The following SETD1B variants were observed in gnomAD, a reference collection of about 807,000 sequenced individuals.
SETD1B encodes the protein histone-lysine N-methyltransferase SETD1B.
Under a neutral mutation model 148.0 loss-of-function variants are expected in SETD1B, and 7 were observed. The observed-to-expected ratio is 0.05, with a 90% CI of 0.03 to 0.09. The LOEUF is 0.09. Ranked by LOEUF, SETD1B falls within the 10% of genes least tolerant of loss-of-function variation. The pLI, the probability that SETD1B is intolerant of heterozygous loss-of-function variation, is 1.00. For synonymous variants in SETD1B, 1,361 were observed against 1,186.5 expected, an observed-to-expected ratio of 1.15 and a Z score of -3.02; for missense variants, 2,155 against 2,729.9, an observed-to-expected ratio of 0.79 and a Z score of 4.69.
rs901595909 is a variant in SETD1B, at chr12:121,805,077, G to A, written c.175-41G>A. On this transcript the variant is annotated intron_variant, in intron 2 of 16. Transcript: ENST00000604567. This position sits in a 1 kb window ranked among gnomAD's most constrained non-coding sequence, Gnocchi z 4.2. ...AAAGGGGTCTGCCCATGGGGAGGGG[G>A]ACCAGTTCTCTCATCCCGGCCCCCC... 56 of 1,535,126 alleles carry A rather than the reference G, an allele frequency of 3.6e-5. No individual in the cohort carries two copies. The highest frequency in any genetic ancestry group is 4.7e-5 in the Non-Finnish European group (53 of 1,132,404).
At chr12:121,821,272 C>T (rs1243460697) in intron 11 of SETD1B, among the ~76,000 whole-genome samples, 2 of 152,000 alleles carry the variant, frequency 1.3e-5, no homozygotes, top group African/African-American at 4.8e-5. Context: ...GAACAGATGA[C>T]AACAGATCAA....
At chr12:121,797,573 T>C in the SETD1B span, 2 of 456,360 alleles carry the variant, frequency 4.4e-6, no homozygotes, top group Non-Finnish European at 8.8e-6. Flanking sequence ...AGACCACAGC[T>C]GAGCACCCAA....
rs1875850943 is a variant in SETD1B, at chr12:121,808,389, C to G, written c.657+69C>G. On this transcript the variant is annotated intron_variant, in intron 5 of 16. Coordinates refer to ENST00000604567, the MANE Select transcript of SETD1B (RefSeq NM_001353345.2). This position sits in a 1 kb window ranked among gnomAD's most constrained non-coding sequence, Gnocchi z 5.3. ...TGTGCCCCCCACCTCTGGAAAGCCTCACCAACTCTCTTATGGGACCCCCAG... is the reference window on the plus strand; with the variant it reads ...TGTGCCCCCCACCTCTGGAAAGCCTGACCAACTCTCTTATGGGACCCCCAG... 9.5e-6 allele frequency: 10 copies of G among 1,052,872 alleles called. No individual in the cohort carries two copies. The highest frequency in any genetic ancestry group is 1.4e-5 in the Non-Finnish European group (10 of 709,332). The allele number at this position is 1,052,872 out of a possible 1,614,324, so 65.2% of individuals were successfully genotyped here.
chr12:121,831,146 G>T lies in SETD1B; in HGVS notation c.*907G>T, dbSNP rs915301563. On this transcript the variant is annotated 3_prime_UTR_variant, in exon 17 of 17. Transcript: ENST00000604567. Reference sequence around the variant, plus strand: ...TTCTGCCCTTGCCTTCGCCCTGGGTGGGACAGGGCTCCCAAGGGCAGGCGG... The same window carrying T: ...TTCTGCCCTTGCCTTCGCCCTGGGTTGGACAGGGCTCCCAAGGGCAGGCGG... The T allele has an allele frequency of 3.3e-5, 5 of 152,190 alleles. No individual in the cohort carries two copies. The highest frequency in any genetic ancestry group is 7.4e-5 in the Non-Finnish European group (5 of 68,018). 9.4% of individuals were successfully genotyped at this position (152,190 alleles called of 1,614,324 possible). A position where few individuals can be genotyped will look rare whatever the true frequency, so the allele number is the denominator to read the frequency against.
chr12:121,801,860 A>T (rs1875382872), upstream of SETD1B: 1 of 152,214 alleles, frequency 6.6e-6, no homozygotes, highest in Admixed American at 6.5e-5. Flanking sequence ...GCGAAAATAC[A>T]GTCAAATCAA....
chr12:121,812,213 C>T (rs1876067792), intron 6 of SETD1B, among the ~76,000 whole-genome samples: 1 of 152,110 alleles, frequency 6.6e-6, no homozygotes, highest in Non-Finnish European at 1.5e-5. Flanking sequence ...GGGAGCTGGA[C>T]CCCGTCCCAT....
At chr12:121,821,072 C>CT (rs112829618) in intron 11 of SETD1B, among the ~76,000 whole-genome samples, 1,572 of 152,292 alleles carry the variant, frequency 0.01, 23 homozygotes, top group African/African-American at 0.036. Flanking sequence ...AACCAATTCT[C>CT]TGTGTGTATT....
chr12:121,823,005 C>A lies in SETD1B; in HGVS notation c.4426C>A (p.Leu1476Met). The A allele has an allele frequency of 6.6e-7, 1 of 1,525,834 alleles. No homozygotes were observed. Among genetic ancestry groups the A allele is most frequent in the Non-Finnish European group, 8.8e-7 (1 of 1,138,126 alleles). The allele number at this position is 1,525,834 out of a possible 1,614,324, so 94.5% of individuals were successfully genotyped here. Residue 1476 changes from leucine to methionine, a missense_variant, in exon 12 of 17, where the codon CTG becomes ATG. Around this residue, in one of 11 missense-constraint regions of SETD1B, gnomAD observed 862 missense variants for 873.8 expected, o/e 0.99. Transcript: ENST00000604567. ...VLLETGLPLP[L>M]PLPLPLPLAL... Reference sequence around the variant, plus strand: ...CCTGGAGACGGGCCTGCCCCTCCCTCTGCCCCTTCCCCTGCCCTTGCCCTT... The same window carrying A: ...CCTGGAGACGGGCCTGCCCCTCCCTATGCCCCTTCCCCTGCCCTTGCCCTT...
At position 121,822,765 on chromosome 12, in the gene SETD1B, C is replaced by T. The variant is rs1056927944; in HGVS notation, c.4186C>T (p.Leu1396=). 6.6e-6 allele frequency: 10 copies of T among 1,517,096 alleles called. No individual in the cohort carries two copies. The highest frequency in any genetic ancestry group is 2.1e-5 in the Admixed American group (1 of 48,740). 94.0% of individuals were successfully genotyped at this position (1,517,096 alleles called of 1,614,324 possible). Residue 1396 remains leucine, a synonymous_variant, in exon 12 of 17, where the codon CTG becomes TTG. Coordinates refer to ENST00000604567, the MANE Select transcript of SETD1B (RefSeq NM_001353345.2). The part of the protein sequence containing the change: ...EPPLSGGSSG[L]SLSSPQVPGS... ...CCCGCTATCAGGGGGCAGCAGTGGCCTGTCCCTGAGCTCTCCGCAAGTGCC... is the reference window on the plus strand; with the variant it reads ...CCCGCTATCAGGGGGCAGCAGTGGCTTGTCCCTGAGCTCTCCGCAAGTGCC...
In SETD1B at chr12:121,831,861, TTTG is replaced by T. The variant is rs1367146756; in HGVS notation, c.*1629_*1631del. ...ACAAAGAATTGTTATTTTTCTCTTT[TTTG>T]TTGTTGGTGGTTTTGTTGTGTGTTT... On this transcript the variant is annotated 3_prime_UTR_variant, in exon 17 of 17. Transcript: ENST00000604567. The T allele has an allele frequency of 6.6e-6, 1 of 151,716 alleles. No homozygotes were observed. Among genetic ancestry groups the T allele is most frequent in the African/African-American group, 2.4e-5 (1 of 41,378 alleles). 9.4% of individuals were successfully genotyped at this position (151,716 alleles called of 1,614,324 possible).
At chr12:121,793,458 G>C in the SETD1B span, 1 of 1,536,428 alleles carries the variant, frequency 6.5e-7, no homozygotes, top group South Asian at 1.2e-5. Flanking sequence ...GGTAAGGGGC[G>C]TCCCTCGCCC....
intron 13 of SETD1B, 99 bp from the exon 14 acceptor site, chr12:121,827,420 G>T: frequency 7.2e-7 from 1 of 1,395,240 alleles, no homozygotes. Context: ...CCCAGAGCAA[G>T]GAGCCCAGGA....
At chr12:121,813,803 G>A (rs539867318) in intron 6 of SETD1B, among the ~76,000 whole-genome samples, 9 of 152,146 alleles carry the variant, frequency 5.9e-5, no homozygotes, top group Non-Finnish European at 8.8e-5. Flanking sequence ...CTCCACAAGA[G>A]TAAGATGTTT....
In SETD1B at chr12:121,823,366, C is replaced by T. The variant is rs766751443; in HGVS notation, c.4787C>T (p.Pro1596Leu). The T allele has an allele frequency of 2.0e-6, 3 of 1,528,388 alleles. No homozygotes were observed. The highest frequency in any genetic ancestry group is 2.4e-5 in the South Asian group (2 of 83,446). The allele number at this position is 1,528,388 out of a possible 1,614,324, so 94.7% of individuals were successfully genotyped here. A position where few individuals can be genotyped will look rare whatever the true frequency, so the allele number is the denominator to read the frequency against. ...LPPQPPPPPP[P>L]PPVEPTKLPF... ...CCCCAGCCACCCCCACCCCCACCTC[C>T]CCCACCTGTAGAGCCCACCAAGCTG... The change falls in exon 12 of 17, where the codon CCC becomes CTC. Residue 1596 changes from proline to leucine, a missense_variant. Coordinates refer to ENST00000604567, the MANE Select transcript of SETD1B (RefSeq NM_001353345.2).
At chr12:121,825,464 GAGGCCAGA>G in intron 13 of SETD1B, 98 bp downstream of exon 13, 1 of 1,168,284 alleles carries the variant, frequency 8.6e-7, no homozygotes, top group Non-Finnish European at 1.2e-6. Context: ...GAGGAGTTGT[GAGGCCAGA>G]GGGGCTGGCA....
At chr12:121,815,066 G>T in intron 7 of SETD1B, 136 bp downstream of exon 7, 1 of 825,928 alleles carries the variant, frequency 1.2e-6, no homozygotes, top group South Asian at 1.9e-5. Context: ...CATTTCATGT[G>T]GCCACTTTCA....
Position 121,819,662 on chromosome 12 carries a change from A to T in SETD1B, c.3677A>T (p.Asp1226Val). 1 of 1,551,196 alleles carries T rather than the reference A, an allele frequency of 6.4e-7. No homozygotes were observed. The highest frequency in any genetic ancestry group is 2.4e-5 in the East Asian group (1 of 40,908). ...AALAPGAPAV[D>V]SLGMEEEVDI... ...CTGGCCCCGGGGGCACCTGCAGTGGACTCGTTGGGCATGGAAGAGGAGGTG... is the reference window on the plus strand; with the variant it reads ...CTGGCCCCGGGGGCACCTGCAGTGGTCTCGTTGGGCATGGAAGAGGAGGTG... Residue 1226 changes from aspartate (D) to valine (V), a missense_variant, in exon 11 of 17, where the codon GAC (aspartate) becomes GTC (valine). Transcript: ENST00000604567.
rs558011364 is a variant in SETD1B, at chr12:121,823,541, G to A, written c.4962G>A (p.Val1654=). The A allele has an allele frequency of 3.2e-6, 5 of 1,551,140 alleles. No homozygotes were observed. The highest frequency in any genetic ancestry group is 4.4e-6 in the Non-Finnish European group (5 of 1,146,914). The change falls in exon 12 of 17, where the codon GTG becomes GTA. Residue 1654 remains valine (V), a synonymous_variant. Coordinates refer to ENST00000604567, the MANE Select transcript of SETD1B (RefSeq NM_001353345.2). ...RPPKKRHEDL[V]PPAGSPELSP... is the part of the protein sequence containing the mutation. ...CTAAGAAGCGCCATGAGGACCTGGT[G>A]CCACCTGCGGGCTCGCCCGAACTCT...
intron 11 of SETD1B, among the ~76,000 whole-genome samples, chr12:121,820,880 C>T (rs1481885760): frequency 6.6e-6 from 1 of 152,202 alleles, no homozygotes; most frequent in Non-Finnish European, 1.5e-5. Context: ...TACAGCTGCC[C>T]CTGTACATTG....
Sources: gnomAD v4.1 joint callset for allele counts (sites outside exome capture counted in the v4.1 genomes callset) on GRCh38, gnomAD v4.1.1 for gene constraint, gnomAD v4.1.1 regional missense constraint, Gnocchi (gnomAD v3.1) non-coding constraint, MANE v1.5 for transcripts, NCBI Gene and HGNC (gene_info 2026-07-23, HGNC 2026-07-21) for gene names.